The following ZNF248 variants were observed in gnomAD, a reference collection of about 807,000 sequenced individuals.
ZNF248 encodes zinc finger protein 248, also known as KRAB protein domain.
Under a neutral mutation model 44.3 loss-of-function variants are expected in ZNF248, and 20 were observed. The ratio of observed to expected loss-of-function variants is 0.45; its 90% CI spans 0.32 to 0.66. The LOEUF is 0.66. Among genes scored for constraint, ZNF248 ranks in the 30% least tolerant of loss-of-function variants. The pLI, the probability that ZNF248 is intolerant of heterozygous loss-of-function variation, is 0.04. For synonymous variants in ZNF248, 224 were observed against 229.0 expected (o/e 0.98, Z 0.20); for missense variants, 654 against 677.0 (o/e 0.97, Z 0.38).
chr10:37,853,782 G>C (rs1001972027), intron 3 of ZNF248, among the ~76,000 whole-genome samples: 8 of 151,884 alleles, frequency 5.3e-5, no homozygotes, highest in African/African-American at 1.7e-4. Flanking sequence ...AAGAAACACA[G>C]ACATCTTTAA....
chr10:37,762,160 C>T, the ZNF248 span, among the ~76,000 whole-genome samples: 2 of 152,162 alleles, frequency 1.3e-5, no homozygotes, highest in Non-Finnish European at 2.9e-5. Flanking sequence ...CAAGGTTCTG[C>T]TGGCATGGAA....
At chr10:37,796,089 G>C (rs1365435888) in intron 6 of ZNF248, 1 of 152,026 alleles carries the variant, frequency 6.6e-6, no homozygotes, top group Non-Finnish European at 1.5e-5. Context: ...CTTCTTAATT[G>C]GTTATAGTCT....
rs1345709843 is a variant in ZNF248 at position 37,786,880 on chromosome 10, ATTCATT to A, written c.331-10311_331-10306del. On this transcript the variant is annotated intron_variant, in intron 6 of 6. Coordinates refer to the ZNF248 transcript ENST00000615949. Reference sequence around the variant, plus strand: ...TTTTAATTTTGTTGATGTCCAAATTATTCATTTTTTTTCCTTTGGTAGCTCATGTTT... The same window carrying A: ...TTTTAATTTTGTTGATGTCCAAATTATTTTTTCCTTTGGTAGCTCATGTTT... Among the ~76,000 whole-genome samples the A allele has an allele frequency of 9.2e-5, 14 of 152,228 alleles. 1 individual carries two copies. The highest frequency in any genetic ancestry group is 3.1e-4 in the African/African-American group (13 of 41,456).
intron 6 of ZNF248, among the ~76,000 whole-genome samples, chr10:37,779,282 C>A (rs183414896): frequency 1.3e-5 from 2 of 152,246 alleles, no homozygotes; most frequent in East Asian, 3.9e-4. Flanking sequence ...ACTGGCAAAC[C>A]GAATCCAGCA....
intron 1 of ZNF248, 194 bp from the exon 2 acceptor site, chr10:37,856,726 AG>A: frequency 2.0e-6 from 2 of 989,772 alleles, no homozygotes; most frequent in Non-Finnish European, 2.4e-6. Context: ...CTCTAAAAAA[AG>A]GGATAGGATG....
intron 3 of ZNF248, among the ~76,000 whole-genome samples, chr10:37,841,671 G>A (rs562239009): frequency 6.6e-5 from 10 of 152,248 alleles, no homozygotes; most frequent in African/African-American, 2.4e-4. Flanking sequence ...GGAGGACAAA[G>A]GAGTAACTTT....
At chr10:37,837,863 G>C in intron 4 of ZNF248, 122 bp downstream of exon 4, 1 of 1,419,354 alleles carries the variant, frequency 7.0e-7, no homozygotes, top group Non-Finnish European at 9.6e-7. Flanking sequence ...GCACCTTTAT[G>C]GTGGCCAAAT....
At chr10:37,795,445 A>G (rs978318520) in intron 6 of ZNF248, 1 of 152,158 alleles carries the variant, frequency 6.6e-6, no homozygotes, top group African/African-American at 2.4e-5. Context: ...TGACTTTTGG[A>G]AGAAAGTGCT....
chr10:37,777,223 A>G (rs2046675754), intron 6 of ZNF248, among the ~76,000 whole-genome samples: 1 of 152,202 alleles, frequency 6.6e-6, no homozygotes, highest in Non-Finnish European at 1.5e-5. Context: ...ACTTGCCTTG[A>G]ACCTTTGAAG....
At chr10:37,857,986 C>T (rs960812595), upstream of ZNF248, 1 of 152,332 alleles carries the variant, frequency 6.6e-6, no homozygotes, top group African/African-American at 2.4e-5. Flanking sequence ...TGGCCCTCGC[C>T]CAGTGCTCCG....
At chr10:37,761,240 A>G in the ZNF248 span, among the ~76,000 whole-genome samples, 1 of 152,234 alleles carries the variant, frequency 6.6e-6, no homozygotes, top group Admixed American at 6.5e-5. Flanking sequence ...ATGTTGAGCC[A>G]GAAGGATGTG....
the ZNF248 span, among the ~76,000 whole-genome samples, chr10:37,763,785 T>C: frequency 6.6e-6 from 1 of 152,212 alleles, no homozygotes; most frequent in Non-Finnish European, 1.5e-5. Context: ...TTAATACTTT[T>C]ATAATTTCTT....
downstream of ZNF248, among the ~76,000 whole-genome samples, chr10:37,772,796 C>T (rs1407868490): frequency 6.6e-6 from 1 of 152,172 alleles, no homozygotes; most frequent in Non-Finnish European, 1.5e-5. Context: ...GAAGTCAGCT[C>T]TTTCATTGAG....
At chr10:37,811,576 T>C (rs2051505476) in intron 6 of ZNF248, among the ~76,000 whole-genome samples, 1 of 151,798 alleles carries the variant, frequency 6.6e-6, no homozygotes, top group East Asian at 1.9e-4. Context: ...GGCTCGTGCC[T>C]GTAATCCCAG....
At chr10:37,817,742 T>C (rs1202730528) in intron 6 of ZNF248, among the ~76,000 whole-genome samples, 2 of 152,182 alleles carry the variant, frequency 1.3e-5, no homozygotes, top group Non-Finnish European at 2.9e-5. Context: ...ACACTAACTC[T>C]AGTGTCTTTA....
chr10:37,833,387 A>G (rs1330360326), intron 5 of ZNF248, among the ~76,000 whole-genome samples: 1 of 152,228 alleles, frequency 6.6e-6, no homozygotes, highest in Admixed American at 6.5e-5. Context: ...AAAAGGTGAA[A>G]TAAAATTCAC....
At chr10:37,818,082 AT>A in intron 6 of ZNF248, among the ~76,000 whole-genome samples, 1 of 151,710 alleles carries the variant, frequency 6.6e-6, no homozygotes, top group East Asian at 2.0e-4. Flanking sequence ...AGCCTGGCTA[AT>A]TTTTTTGTAT....
At chr10:37,804,638 T>C (rs1012518714) in intron 6 of ZNF248, among the ~76,000 whole-genome samples, 2 of 152,196 alleles carry the variant, frequency 1.3e-5, no homozygotes, top group Non-Finnish European at 2.9e-5. Flanking sequence ...GGTCTTGCCA[T>C]GTTGGCCAGG....
intron 4 of ZNF248, 46 bp downstream of exon 4, chr10:37,837,939 G>T (rs375560113): frequency 6.3e-7 from 1 of 1,596,298 alleles, no homozygotes; most frequent in Non-Finnish European, 8.6e-7. Context: ...GCATCAACTA[G>T]TAAATGCATG....
Sources: gnomAD v4.1 joint callset for allele counts (sites outside exome capture counted in the v4.1 genomes callset) on GRCh38, gnomAD v4.1.1 for gene constraint, MANE v1.5 for transcripts, NCBI Gene and HGNC (gene_info 2026-07-23, HGNC 2026-07-21) for gene names.